Variants in CNTLN observed in about 807,000 individuals in gnomAD.
The protein encoded by CNTLN is centlein, centrosomal protein.
CNTLN carries 212 observed loss-of-function variants against 180.0 expected under a neutral mutation model. That is an observed-to-expected ratio of 1.18 (90% confidence interval 1.05 to 1.32). The LOEUF is 1.32. Ranked by LOEUF, CNTLN falls within the 40% of genes most tolerant of loss-of-function variation. The pLI, the probability that CNTLN is intolerant of heterozygous loss-of-function variation, is 0.00. For missense variants in CNTLN, 2,095 were observed against 1,610.9 expected (o/e 1.30, Z -5.14); for synonymous variants, 722 against 563.1 (o/e 1.28, Z -3.99).
At chr9:17,288,561 T>C (rs7018989) in intron 6 of CNTLN, among the ~76,000 whole-genome samples, 22,975 of 100,998 alleles carry the variant, frequency 0.23, 3,833 homozygotes, top group South Asian at 0.29. Context: ...CCTGGGTATC[T>C]TTGTTGACTT....
intron 2 of CNTLN, among the ~76,000 whole-genome samples, chr9:17,203,804 G>A (rs772094670): frequency 1.3e-5 from 2 of 152,144 alleles, no homozygotes; most frequent in African/African-American, 4.8e-5. Context: ...TGATCCACCC[G>A]CCTCGGCCTC....
chr9:17,239,332 A>G (rs1336518282), intron 5 of CNTLN, among the ~76,000 whole-genome samples: 1 of 152,178 alleles, frequency 6.6e-6, no homozygotes, highest in Non-Finnish European at 1.5e-5. Flanking sequence ...ATCTTTGGAG[A>G]AATGTCTATT....
At chr9:17,135,603 C>T (rs1817657275) in intron 1 of CNTLN, among the ~76,000 whole-genome samples, 178 bp downstream of exon 1, 1 of 152,164 alleles carries the variant, frequency 6.6e-6, no homozygotes, top group Admixed American at 6.5e-5. Flanking sequence ...GCCCGGCTCC[C>T]CAAACCCGGG....
At chr9:17,375,865 A>G (rs1012567180) in intron 13 of CNTLN, among the ~76,000 whole-genome samples, 2 of 152,190 alleles carry the variant, frequency 1.3e-5, no homozygotes, top group South Asian at 2.1e-4. Flanking sequence ...CAAGATAACT[A>G]TATTTCGTAT....
chr9:17,248,241 C>T (rs1825921621), intron 5 of CNTLN, among the ~76,000 whole-genome samples: 1 of 152,076 alleles, frequency 6.6e-6, no homozygotes, highest in Non-Finnish European at 1.5e-5. Flanking sequence ...AAGGATTATG[C>T]TGTCCTTACA....
At chr9:17,434,552 A>T (rs1829643915) in intron 18 of CNTLN, among the ~76,000 whole-genome samples, 1 of 151,914 alleles carries the variant, frequency 6.6e-6, no homozygotes, top group Admixed American at 6.6e-5. Context: ...TTGTTATCAA[A>T]TTTTAGTTTT....
intron 12 of CNTLN, among the ~76,000 whole-genome samples, chr9:17,354,971 G>C (rs1587749403): frequency 6.6e-6 from 1 of 151,926 alleles, no homozygotes; most frequent in Non-Finnish European, 1.5e-5. Flanking sequence ...TGTGTTGAGA[G>C]CTGTAACACT....
chr9:17,352,862 C>A (rs1402338425), intron 12 of CNTLN, among the ~76,000 whole-genome samples: 1 of 152,172 alleles, frequency 6.6e-6, no homozygotes, highest in African/African-American at 2.4e-5. Context: ...TTTCAAGATT[C>A]ATCCACATTG....
chr9:17,398,555 A>C (rs1000372524), intron 15 of CNTLN, among the ~76,000 whole-genome samples: 1 of 152,212 alleles, frequency 6.6e-6, no homozygotes, highest in Non-Finnish European at 1.5e-5. Flanking sequence ...AGTCTGTGAC[A>C]TCAGCAAGCT....
At position 17,135,438 on chromosome 9, in the gene CNTLN, C is replaced by A; in HGVS notation, c.360+13C>A. The A allele has an allele frequency of 6.3e-7, 1 of 1,583,436 alleles. No homozygotes were observed. The highest frequency in any genetic ancestry group is 8.6e-7 in the Non-Finnish European group (1 of 1,166,882). ...GGCCCTGTGTCAGGTATCGAGGAGT[C>A]TCGCAGTCCCCCTTTCCCCACCACA... On this transcript the variant is annotated intron_variant, in intron 1 of 25. Transcript: ENST00000380647.
At chr9:17,218,005 C>T (rs1823877735) in intron 2 of CNTLN, among the ~76,000 whole-genome samples, 1 of 152,002 alleles carries the variant, frequency 6.6e-6, no homozygotes. Flanking sequence ...TTAAAGGGTT[C>T]ATCTGTACTC....
At position 17,391,539 on chromosome 9, in the gene CNTLN, C is replaced by T. The variant is rs146314339; in HGVS notation, c.2080-2995C>T. 1.7e-3 allele frequency among the ~76,000 whole-genome samples: 259 copies of T among 151,964 alleles called. 1 individual carries two copies. The highest frequency in any genetic ancestry group is 5.9e-3 in the African/African-American group (244 of 41,422). On this transcript the variant is annotated intron_variant, in intron 14 of 25. Transcript: ENST00000380647. Reference sequence around the variant, plus strand: ...TGGTGTGTTGTATTCTGAGCCCCAACGTATGTAAAATTTTAATGAGTTGTC... The same window carrying T: ...TGGTGTGTTGTATTCTGAGCCCCAATGTATGTAAAATTTTAATGAGTTGTC...
intron 19 of CNTLN, 26 bp downstream of exon 19, chr9:17,457,741 A>C: frequency 1.5e-6 from 2 of 1,326,032 alleles, no homozygotes; most frequent in South Asian, 4.5e-5. Flanking sequence ...ATTAAGCATG[A>C]AAACATACAT....
intron 6 of CNTLN, among the ~76,000 whole-genome samples, chr9:17,293,817 G>A (rs530243154): frequency 3.3e-5 from 5 of 152,248 alleles, no homozygotes; most frequent in Admixed American, 6.5e-5. Flanking sequence ...AGAGGCTGCC[G>A]AGAATCTGGA....
chr9:17,383,412 G>A (rs922659109), intron 13 of CNTLN, among the ~76,000 whole-genome samples: 1 of 151,788 alleles, frequency 6.6e-6, no homozygotes, highest in Admixed American at 6.6e-5. Flanking sequence ...TACTTGGGTC[G>A]CTGAGGCTGG....
chr9:17,232,993 C>A (rs1587268580), intron 3 of CNTLN, among the ~76,000 whole-genome samples: 4 of 151,552 alleles, frequency 2.6e-5, no homozygotes, highest in Admixed American at 2.6e-4. Context: ...TAAAATAGAA[C>A]AGAAAAGTTA....
At chr9:17,402,608 T>G (rs1213785770) in intron 15 of CNTLN, among the ~76,000 whole-genome samples, 1 of 151,836 alleles carries the variant, frequency 6.6e-6, no homozygotes, top group Non-Finnish European at 1.5e-5. Flanking sequence ...AGCATGGAGA[T>G]AAACCTCATT....
intron 2 of CNTLN, among the ~76,000 whole-genome samples, chr9:17,181,968 G>A (rs951576942): frequency 5.3e-5 from 8 of 152,186 alleles, no homozygotes; most frequent in African/African-American, 1.9e-4. Context: ...CAGTTCCAAT[G>A]GGGAGCAGGG....
intron 18 of CNTLN, among the ~76,000 whole-genome samples, chr9:17,434,079 G>A (rs930445145): frequency 6.6e-6 from 1 of 152,100 alleles, no homozygotes; most frequent in African/African-American, 2.4e-5. Context: ...TTATATAACT[G>A]CAAGATCTGT....
Sources: gnomAD v4.1 joint callset for allele counts (sites outside exome capture counted in the v4.1 genomes callset) on GRCh38, gnomAD v4.1.1 for gene constraint, MANE v1.5 for transcripts, NCBI Gene and HGNC (gene_info 2026-07-23, HGNC 2026-07-21) for gene names.